ADGRL3: variants seen among roughly 807,000 people sequenced by gnomAD.
The protein encoded by ADGRL3 is calcium-independent alpha-latrotoxin receptor 3.
ADGRL3 carries 62 observed loss-of-function variants against 153.5 expected under a neutral mutation model. The observed-to-expected ratio is 0.40, with a 90% CI of 0.33 to 0.50. ADGRL3 has a LOEUF of 0.50. Ranked by LOEUF, ADGRL3 falls within the 20% of genes least tolerant of loss-of-function variation. The pLI is 0.47. For synonymous variants in ADGRL3, 710 were observed against 672.5 expected, an observed-to-expected ratio of 1.06 and a Z score of -0.86; for missense variants, 1,641 against 1,859.4, an observed-to-expected ratio of 0.88 and a Z score of 2.16.
chr4:61,993,351 G>A (rs1158973910), intron 19 of ADGRL3, among the ~76,000 whole-genome samples: 2 of 136,788 alleles, frequency 1.5e-5, no homozygotes, highest in Non-Finnish European at 3.0e-5. Context: ...GGGGTGTAAC[G>A]GCATGATCTT....
At chr4:61,963,074 C>A (rs1465447673) in intron 17 of ADGRL3, among the ~76,000 whole-genome samples, 1 of 151,680 alleles carries the variant, frequency 6.6e-6, no homozygotes, top group Non-Finnish European at 1.5e-5. Flanking sequence ...CTTCCTAGGA[C>A]AGTTTGTTTA....
intron 21 of ADGRL3, among the ~76,000 whole-genome samples, chr4:62,021,234 A>G (rs1419898230): frequency 2.0e-5 from 3 of 152,150 alleles, no homozygotes; most frequent in Non-Finnish European, 4.4e-5. Context: ...AATTTTGTGT[A>G]GCAAATAAAA....
intron 8 of ADGRL3, among the ~76,000 whole-genome samples, chr4:61,798,239 AG>A (rs2097439201): frequency 6.6e-6 from 1 of 152,216 alleles, no homozygotes; most frequent in South Asian, 2.1e-4. Flanking sequence ...AAAACTTGTC[AG>A]AGCTAAAAAT....
chr4:61,554,822 C>T (rs1300226258), intron 4 of ADGRL3, among the ~76,000 whole-genome samples: 2 of 152,120 alleles, frequency 1.3e-5, no homozygotes, highest in African/African-American at 4.8e-5. Context: ...TTACTTCACA[C>T]ACAGGGGTTT....
At chr4:61,244,305 A>C (rs1174287546) in intron 1 of ADGRL3, among the ~76,000 whole-genome samples, 1 of 152,060 alleles carries the variant, frequency 6.6e-6, no homozygotes, top group Non-Finnish European at 1.5e-5. Context: ...AAAATGTTTC[A>C]ATGATATAAA....
intron 8 of ADGRL3, among the ~76,000 whole-genome samples, chr4:61,800,060 C>T (rs2097473029): frequency 6.6e-6 from 1 of 152,084 alleles, no homozygotes; most frequent in African/African-American, 2.4e-5. Context: ...CACTGCCTTA[C>T]CATTGAACCT....
chr4:61,775,378 TA>T (rs1214279634), intron 8 of ADGRL3: 2 of 459,746 alleles, frequency 4.4e-6, no homozygotes, highest in Non-Finnish European at 8.0e-6. Flanking sequence ...ATGGAAAAGC[TA>T]AAATTTTCTT....
At chr4:61,677,237 T>A (rs1220409120) in intron 6 of ADGRL3, 4 of 321,078 alleles carry the variant, frequency 1.2e-5, no homozygotes, top group Non-Finnish European at 1.8e-5. Flanking sequence ...GTTATACCAA[T>A]TCTCCAGGTC....
intron 9 of ADGRL3, among the ~76,000 whole-genome samples, chr4:61,885,002 C>T (rs1018484359): frequency 6.6e-6 from 1 of 151,698 alleles, no homozygotes. Flanking sequence ...CCTGGCCGGG[C>T]ACTGTGGCTC....
rs375263119 is a variant in ADGRL3, at chr4:61,538,954, T to C, written c.259+21436T>C. Among the ~76,000 whole-genome samples, 37 of 152,280 alleles carry C rather than the reference T, an allele frequency of 2.4e-4. 1 individual carries two copies. The highest frequency in any genetic ancestry group is 8.9e-4 in the African/African-American group (37 of 41,570). ...CTGTGCAGGCAGGAATGTAATCAAC[T>C]TTCCTATTACATCCCTGTCATAGGG... On this transcript the variant is annotated intron_variant, in intron 4 of 26. Coordinates refer to ENST00000683033, the MANE Select transcript of ADGRL3 (RefSeq NM_001387552.1).
chr4:61,604,857 G>C (rs1180223480), intron 5 of ADGRL3, among the ~76,000 whole-genome samples: 1 of 151,974 alleles, frequency 6.6e-6, no homozygotes, highest in Admixed American at 6.6e-5. Flanking sequence ...TTGGGAGGCC[G>C]AGGTAGATGG....
chr4:61,801,481 T>G (rs1173328004), intron 8 of ADGRL3, among the ~76,000 whole-genome samples: 1 of 152,140 alleles, frequency 6.6e-6, no homozygotes, highest in South Asian at 2.1e-4. Flanking sequence ...CCCACATTCA[T>G]GTCAAGGAGG....
At chr4:61,759,377 A>C (rs748293235) in intron 8 of ADGRL3, among the ~76,000 whole-genome samples, 4 of 151,862 alleles carry the variant, frequency 2.6e-5, no homozygotes, top group Non-Finnish European at 5.9e-5. Flanking sequence ...ATTTCTTTTT[A>C]TTCTTTTTTC....
At chr4:61,223,494 G>A (rs1056007453) in intron 1 of ADGRL3, among the ~76,000 whole-genome samples, 2 of 152,230 alleles carry the variant, frequency 1.3e-5, no homozygotes, top group African/African-American at 4.8e-5. Context: ...AAGCACAGTG[G>A]TTTTGAAAGT....
At chr4:61,875,188 C>G (rs544540952) in intron 9 of ADGRL3, among the ~76,000 whole-genome samples, 9 of 152,302 alleles carry the variant, frequency 5.9e-5, no homozygotes, top group African/African-American at 2.2e-4. Flanking sequence ...CACTTTGTCA[C>G]TCTTCTTTCT....
At chr4:61,825,038 G>GCTCTCTCAATGCCAAGAAGCACTTTT (rs1218886589) in intron 9 of ADGRL3, among the ~76,000 whole-genome samples, 2 of 152,024 alleles carry the variant, frequency 1.3e-5, no homozygotes, top group Admixed American at 1.3e-4. Context: ...GAAGCACTTG[G>GCTCTCTCAATGCCAAGAAGCACTTTT]CTCTCTCAAT....
chr4:61,790,583 C>T (rs1252389415), intron 8 of ADGRL3, among the ~76,000 whole-genome samples: 1 of 152,182 alleles, frequency 6.6e-6, no homozygotes. Flanking sequence ...CACTCTTTCT[C>T]TCTGTTGAGA....
intron 4 of ADGRL3, among the ~76,000 whole-genome samples, chr4:61,565,110 C>T (rs1012850795): frequency 6.6e-6 from 1 of 152,038 alleles, no homozygotes; most frequent in Non-Finnish European, 1.5e-5. Flanking sequence ...AAAATGGCAC[C>T]AATAGACTTG....
intron 5 of ADGRL3, among the ~76,000 whole-genome samples, chr4:61,654,227 A>T: frequency 6.6e-6 from 1 of 152,168 alleles, no homozygotes; most frequent in East Asian, 1.9e-4. Flanking sequence ...TTTTTGTAAT[A>T]TCTCTGATAG....
Sources: gnomAD v4.1 joint callset for allele counts (sites outside exome capture counted in the v4.1 genomes callset) on GRCh38, gnomAD v4.1.1 for gene constraint, MANE v1.5 for transcripts, NCBI Gene and HGNC (gene_info 2026-07-23, HGNC 2026-07-21) for gene names.